The following CADM1 variants were observed in gnomAD, a reference collection of about 807,000 sequenced individuals.
CADM1 encodes the protein TSLC-1.
In CADM1, 15 loss-of-function variants were observed where a neutral mutation model predicts 53.1. The observed-to-expected ratio is 0.28, with a 90% CI of 0.19 to 0.44. CADM1 has a LOEUF of 0.44. Ranked by LOEUF, CADM1 falls within the 20% of genes least tolerant of loss-of-function variation. The probability of loss-of-function intolerance (pLI) is 1.00; values close to 1 mark genes in which losing one functional copy is unlikely to be tolerated. For synonymous variants in CADM1, 281 were observed against 243.0 expected, an observed-to-expected ratio of 1.16 and a Z score of -1.45; for missense variants, 434 against 611.3, an observed-to-expected ratio of 0.71 and a Z score of 3.06.
intron 1 of CADM1, among the ~76,000 whole-genome samples, chr11:115,273,464 TTAAG>T (rs532962309): frequency 2.8e-4 from 43 of 152,328 alleles, no homozygotes; most frequent in African/African-American, 7.9e-4. Context: ...AGTTCGATAA[TTAAG>T]TGAGTTCACC....
intron 1 of CADM1, among the ~76,000 whole-genome samples, chr11:115,492,059 A>G (rs1431258921): frequency 6.6e-6 from 1 of 152,218 alleles, no homozygotes; most frequent in African/African-American, 2.4e-5. Flanking sequence ...ACAAACCTGC[A>G]CGTTGTGCAC....
intron 1 of CADM1, chr11:115,377,241 T>A (rs772709603): frequency 7.2e-5 from 11 of 152,010 alleles, no homozygotes; most frequent in Non-Finnish European, 1.0e-4. Context: ...TTGGCAAGGG[T>A]GGCTGAGAAG....
At chr11:115,437,605 A>G (rs189573240) in intron 1 of CADM1, among the ~76,000 whole-genome samples, 94 of 152,338 alleles carry the variant, frequency 6.2e-4, no homozygotes, top group African/African-American at 2.1e-3. Flanking sequence ...AGCGATGGGC[A>G]AATCAACATC....
chr11:115,178,623 G>A (rs1565279682), intron 11 of CADM1, 21 bp downstream of exon 11: 4 of 1,610,326 alleles, frequency 2.5e-6, no homozygotes, highest in East Asian at 2.2e-5. Flanking sequence ...CGCTGCTTCT[G>A]TCTGCTGAAG....
chr11:115,401,105 C>T (rs1201237029), intron 1 of CADM1, among the ~76,000 whole-genome samples: 1 of 152,108 alleles, frequency 6.6e-6, no homozygotes, highest in African/African-American at 2.4e-5. Context: ...ATGTCCTTCA[C>T]TAGGTGAATC....
At chr11:115,314,269 G>T (rs1464217190) in intron 1 of CADM1, among the ~76,000 whole-genome samples, 1 of 152,054 alleles carries the variant, frequency 6.6e-6, no homozygotes, top group African/African-American at 2.4e-5. Context: ...GACACTGGGG[G>T]AGAGAAGAAC....
chr11:115,346,070 G>C (rs55807939), intron 1 of CADM1, among the ~76,000 whole-genome samples: 1 of 149,088 alleles, frequency 6.7e-6, no homozygotes, highest in Non-Finnish European at 1.5e-5. Flanking sequence ...TTCTGCTCAC[G>C]TGAATCATAT....
intron 1 of CADM1, among the ~76,000 whole-genome samples, chr11:115,446,265 A>C (rs757755248): frequency 6.6e-6 from 1 of 152,242 alleles, no homozygotes; most frequent in Non-Finnish European, 1.5e-5. Flanking sequence ...GAAAAGGCTA[A>C]GACACAGAAA....
intron 1 of CADM1, among the ~76,000 whole-genome samples, chr11:115,438,695 G>A (rs1254542256): frequency 6.6e-6 from 1 of 151,674 alleles, no homozygotes; most frequent in Non-Finnish European, 1.5e-5. Context: ...AACTGTTAGA[G>A]AACTTTTACA....
chr11:115,227,513 C>T lies in CADM1; in HGVS notation c.721+1600G>A, dbSNP rs768960469. The stretch of plus-strand genomic sequence containing the variant: ...TAATGTATTATTAAAGCTAATGGGC[C>T]CCTACAAGGAAAGTTAATGGATATT... On this transcript the variant is annotated intron_variant, in intron 5 of 11. Coordinates refer to ENST00000331581, the MANE Select transcript of CADM1 (RefSeq NM_001301043.2). Among the ~76,000 whole-genome samples the T allele has an allele frequency of 2.6e-5, 4 of 152,006 alleles. No homozygotes were observed. In the East Asian group the frequency reaches 5.8e-4, roughly 22 times the overall value.
chr11:115,355,854 C>A (rs959355834), intron 1 of CADM1, among the ~76,000 whole-genome samples: 2 of 152,098 alleles, frequency 1.3e-5, no homozygotes, highest in African/African-American at 4.8e-5. Flanking sequence ...TTTTTTGAGA[C>A]GGAGTCTCGC....
chr11:115,232,667 G>C (rs1445668395), intron 3 of CADM1, among the ~76,000 whole-genome samples: 1 of 151,990 alleles, frequency 6.6e-6, no homozygotes, highest in Non-Finnish European at 1.5e-5. Context: ...TGGTGACAAT[G>C]ATGATGATGA....
chr11:115,218,002 A>G lies in CADM1; in HGVS notation c.722-11T>C, dbSNP rs764586788. On this transcript the variant is annotated splice_polypyrimidine_tract_variant and intron_variant, in intron 5 of 11. Transcript: ENST00000331581. ...GCACTTGAGGCTTATCTGTGTGACA[A>G]AAACACAAAGTATAATGTTTAGCAA... The G allele has an allele frequency of 6.3e-7, 1 of 1,588,138 alleles. No homozygotes were observed. The highest frequency in any genetic ancestry group is 2.2e-5 in the East Asian group (1 of 44,722).
intron 1 of CADM1, among the ~76,000 whole-genome samples, chr11:115,259,174 CAG>C (rs1942887033): frequency 1.3e-5 from 2 of 151,070 alleles, no homozygotes; most frequent in Non-Finnish European, 2.9e-5. Context: ...TTAGTGGAGA[CAG>C]AGTTTCACAA....
At chr11:115,444,058 A>T (rs1296047250) in intron 1 of CADM1, among the ~76,000 whole-genome samples, 1 of 152,194 alleles carries the variant, frequency 6.6e-6, no homozygotes, top group East Asian at 1.9e-4. Context: ...CTTCAGTTGG[A>T]ATTAAAGAAA....
intron 1 of CADM1, among the ~76,000 whole-genome samples, chr11:115,445,240 C>A (rs902667211): frequency 2.6e-5 from 4 of 152,002 alleles, no homozygotes; most frequent in Admixed American, 2.6e-4. Flanking sequence ...TGTCTCAAAA[C>A]TAGAGTTGAA....
chr11:115,456,149 C>A (rs1459659777), intron 1 of CADM1, among the ~76,000 whole-genome samples: 1 of 152,116 alleles, frequency 6.6e-6, no homozygotes, highest in South Asian at 2.1e-4. Flanking sequence ...CAAATGTGGG[C>A]CCTTAAAGAT....
At position 115,401,751 on chromosome 11, in the gene CADM1, C is replaced by T. The variant is rs139204400; in HGVS notation, c.124+102520G>A. ...GTCATTATACCTTTGTTGAAACCGA[C>T]AGAATGGACAACACCAAGAGTGAAC... On this transcript the variant is annotated intron_variant, in intron 1 of 11. Transcript: ENST00000331581. 2.6e-5 allele frequency among the ~76,000 whole-genome samples: 4 copies of T among 152,274 alleles called. No individual in the cohort carries two copies. In the East Asian group the frequency reaches 7.7e-4, roughly 29 times the overall value.
intron 1 of CADM1, among the ~76,000 whole-genome samples, chr11:115,337,062 G>A (rs1320638721): frequency 1.3e-5 from 2 of 152,134 alleles, no homozygotes; most frequent in Non-Finnish European, 2.9e-5. Flanking sequence ...ATTAATTAAT[G>A]TTTCCACTAA....
Sources: allele counts gnomAD v4.1 joint callset (sites outside exome capture counted in the v4.1 genomes callset), GRCh38; gene constraint gnomAD v4.1.1; transcripts MANE v1.5; gene names NCBI Gene and HGNC (gene_info 2026-07-23, HGNC 2026-07-21).